Variants in CCDC60 observed in about 807,000 individuals in gnomAD.
The protein encoded by CCDC60 is coiled-coil domain containing 60, also known as coiled-coil domain-containing protein 60.
In CCDC60, 54 loss-of-function variants were observed where a neutral mutation model predicts 63.5. That is an observed-to-expected ratio of 0.85 (90% CI 0.68 to 1.07). The LOEUF (loss-of-function observed/expected upper bound fraction) is 1.07. CCDC60 is among the 50% of genes least tolerant of loss of function. The pLI is 0.00. For synonymous variants in CCDC60, 206 were observed against 238.8 expected (o/e 0.86, Z 1.27); for missense variants, 651 against 684.3 (o/e 0.95, Z 0.54).
At chr12:119,389,687 G>A (rs546127011) in intron 1 of CCDC60, among the ~76,000 whole-genome samples, 1 of 152,156 alleles carries the variant, frequency 6.6e-6, no homozygotes, top group African/African-American at 2.4e-5. Context: ...GTCGATCATG[G>A]TAAGTCTGAG....
chr12:119,496,164 C>T (rs1352787941), intron 5 of CCDC60, among the ~76,000 whole-genome samples: 1 of 152,188 alleles, frequency 6.6e-6, no homozygotes, highest in Admixed American at 6.5e-5. Flanking sequence ...CGCCCTGCTG[C>T]AGAATCAGCA....
intron 1 of CCDC60, among the ~76,000 whole-genome samples, chr12:119,362,294 T>G (rs1053852549): frequency 3.9e-5 from 6 of 152,138 alleles, no homozygotes; most frequent in African/African-American, 1.4e-4. Flanking sequence ...AAGTTACAGC[T>G]CAATTAAATT....
At chr12:119,445,348 C>T (rs553292639) in intron 2 of CCDC60, among the ~76,000 whole-genome samples, 8 of 146,192 alleles carry the variant, frequency 5.5e-5, no homozygotes, top group Non-Finnish European at 8.9e-5. Flanking sequence ...GTGGGAGAAT[C>T]GCTTGAACCC....
At chr12:119,493,924 G>C (rs967804895) in intron 5 of CCDC60, among the ~76,000 whole-genome samples, 1 of 152,082 alleles carries the variant, frequency 6.6e-6, no homozygotes, top group Non-Finnish European at 1.5e-5. Flanking sequence ...AGAGGGGCCT[G>C]TCATCAAACA....
intron 1 of CCDC60, among the ~76,000 whole-genome samples, chr12:119,423,696 G>A (rs1348256614): frequency 6.6e-6 from 1 of 152,222 alleles, no homozygotes; most frequent in Non-Finnish European, 1.5e-5. Context: ...GATGGTAGAG[G>A]TTTCCTTTTG....
Position 119,507,569 on chromosome 12 carries a change from TG to T in CCDC60, c.883+2267del, listed in dbSNP as rs1566050323. Among the ~76,000 whole-genome samples, 507 of 57,544 alleles carry T rather than the reference TG, an allele frequency of 8.8e-3. 61 individuals carry two copies. The highest frequency in any genetic ancestry group is 0.045 in the African/African-American group (488 of 10,734). The allele number at this position is 57,544 out of a possible 152,430, so 37.8% of individuals were successfully genotyped here. On this transcript the variant is annotated intron_variant, in intron 7 of 13. Coordinates refer to ENST00000327554, the MANE Select transcript of CCDC60 (RefSeq NM_178499.5). The stretch of plus-strand genomic sequence containing the variant: ...ATATATACATATATATATATATATA[TG>T]TATATATACACATATATATACATAT...
At chr12:119,422,333 C>T (rs769597370) in intron 1 of CCDC60, among the ~76,000 whole-genome samples, 4 of 152,168 alleles carry the variant, frequency 2.6e-5, no homozygotes, top group South Asian at 2.1e-4. Flanking sequence ...TCTGCAGAGA[C>T]GGTGTATTAG....
chr12:119,359,740 T>C (rs1254700804), intron 1 of CCDC60, among the ~76,000 whole-genome samples: 4 of 152,094 alleles, frequency 2.6e-5, no homozygotes, highest in African/African-American at 7.2e-5. Context: ...TGACTCTTAA[T>C]GAGCATGCTG....
In CCDC60 at chr12:119,420,291, CA is replaced by C. The variant is rs926179447; in HGVS notation, c.91-8384del. Among the ~76,000 whole-genome samples the C allele has an allele frequency of 6.6e-6, 1 of 151,340 alleles. No homozygotes were observed. The highest frequency in any genetic ancestry group is 1.5e-5 in the Non-Finnish European group (1 of 67,802). The stretch of plus-strand genomic sequence containing the variant: ...AGGTACACATCTTACATTCTTATGA[CA>C]AAAAAAATACCTCACTCTCCCCAAA... On this transcript the variant is annotated intron_variant, in intron 1 of 13. Transcript: ENST00000327554. The surrounding 1 kb of genome is among the most constrained non-coding windows in gnomAD (Gnocchi z 4.1).
intron 1 of CCDC60, among the ~76,000 whole-genome samples, chr12:119,393,550 T>C (rs2136202786): frequency 6.6e-6 from 1 of 152,370 alleles, no homozygotes; most frequent in South Asian, 2.1e-4. Context: ...AGCATGTTTA[T>C]ATTTTTAAAA....
chr12:119,450,407 A>G (rs1392929946), intron 2 of CCDC60, among the ~76,000 whole-genome samples: 7 of 152,218 alleles, frequency 4.6e-5, no homozygotes, highest in Admixed American at 4.6e-4. Flanking sequence ...CCCTAAATCC[A>G]TTAAAATTTT....
At chr12:119,366,988 A>G (rs1038775458) in intron 1 of CCDC60, among the ~76,000 whole-genome samples, 4 of 152,064 alleles carry the variant, frequency 2.6e-5, no homozygotes, top group Non-Finnish European at 5.9e-5. Flanking sequence ...ACCCGCCACC[A>G]TGCCTGGCTA....
intron 3 of CCDC60, among the ~76,000 whole-genome samples, chr12:119,474,102 G>T (rs548944849): frequency 1.3e-5 from 2 of 152,078 alleles, no homozygotes; most frequent in Non-Finnish European, 2.9e-5. Context: ...GCTCAACATC[G>T]CTAATTATCA....
intron 1 of CCDC60, among the ~76,000 whole-genome samples, chr12:119,411,389 G>A (rs894840015): frequency 6.6e-6 from 1 of 152,070 alleles, no homozygotes; most frequent in African/African-American, 2.4e-5. Flanking sequence ...TAGTTTCTGT[G>A]AGCCAGCTTG....
intron 1 of CCDC60, among the ~76,000 whole-genome samples, chr12:119,368,134 G>A (rs1483038023): frequency 7.4e-6 from 1 of 134,290 alleles, no homozygotes; most frequent in African/African-American, 2.7e-5. Context: ...AAGGAAGAAG[G>A]AAGAAGAGAG....
intron 2 of CCDC60, among the ~76,000 whole-genome samples, chr12:119,462,185 G>A (rs1034580757): frequency 3.1e-4 from 47 of 152,166 alleles, no homozygotes; most frequent in Middle Eastern, 3.2e-3. Flanking sequence ...GGAGTTAATT[G>A]ATAAGACAAG....
chr12:119,528,040 A>G (rs1455248466), intron 11 of CCDC60, among the ~76,000 whole-genome samples: 1 of 152,110 alleles, frequency 6.6e-6, no homozygotes, highest in East Asian at 1.9e-4. Context: ...GGATGAGGAT[A>G]AAGCTGGAAA....
At chr12:119,532,301 G>A (rs1441515808) in intron 13 of CCDC60, among the ~76,000 whole-genome samples, 1 of 152,032 alleles carries the variant, frequency 6.6e-6, no homozygotes, top group Admixed American at 6.5e-5. Flanking sequence ...GGTAAGAAGA[G>A]GGAGTACTAG....
At chr12:119,361,976 T>C (rs959190222) in intron 1 of CCDC60, among the ~76,000 whole-genome samples, 1 of 152,202 alleles carries the variant, frequency 6.6e-6, no homozygotes, top group Non-Finnish European at 1.5e-5. Flanking sequence ...TTGCCCAACT[T>C]GGACACTTTT....
Sources: gnomAD v4.1 joint callset for allele counts (sites outside exome capture counted in the v4.1 genomes callset) on GRCh38, gnomAD v4.1.1 for gene constraint, Gnocchi (gnomAD v3.1) non-coding constraint, MANE v1.5 for transcripts, NCBI Gene and HGNC (gene_info 2026-07-23, HGNC 2026-07-21) for gene names.